MIS18BP1: variants seen among roughly 807,000 people sequenced by gnomAD.
The protein encoded by MIS18BP1 is mis18-binding protein 1.
MIS18BP1 carries 72 observed loss-of-function variants against 116.1 expected under a neutral mutation model. That is an observed-to-expected ratio of 0.62 (90% confidence interval 0.51 to 0.75). The LOEUF (loss-of-function observed/expected upper bound fraction) is 0.75. Ranked by LOEUF, MIS18BP1 falls within the 30% of genes least tolerant of loss-of-function variation. The probability of loss-of-function intolerance (pLI) is 0.00; values close to 1 mark genes in which losing one functional copy is unlikely to be tolerated. For missense variants in MIS18BP1, 1,363 were observed against 1,303.2 expected (o/e 1.05, Z -0.71); for synonymous variants, 386 against 427.0 (o/e 0.90, Z 1.18).
chr14:45,246,210 A>G lies in MIS18BP1; in HGVS notation c.544+533T>C, dbSNP rs146694721. On this transcript the variant is annotated intron_variant, in intron 2 of 16. Transcript: ENST00000310806. ...CGATGGCTTATTCTGCTCACAGTAA[A>G]GGCCAAAACTCTTACATTTACCTAC... 1.8e-3 allele frequency among the ~76,000 whole-genome samples: 270 copies of G among 152,338 alleles called. 1 individual carries two copies. Among genetic ancestry groups the G allele is most frequent in the Admixed American group, 2.7e-3 (42 of 15,306 alleles).
chr14:45,233,155 T>C (rs12433547), intron 6 of MIS18BP1, among the ~76,000 whole-genome samples: 12,126 of 152,178 alleles, frequency 0.08, 639 homozygotes, highest in South Asian at 0.16. Context: ...AGGGAAGTCT[T>C]CAATGAAATA....
intron 8 of MIS18BP1, among the ~76,000 whole-genome samples, chr14:45,229,959 CATCTACATATTT>C (rs1390712972): frequency 1.3e-5 from 2 of 152,164 alleles, no homozygotes; most frequent in Non-Finnish European, 2.9e-5. Context: ...GGGAAGCAGT[CATCTACATATTT>C]AACGTATTCC....
rs1277358433 is a variant in MIS18BP1, at chr14:45,242,865, T to G, written c.554A>C (p.Gln185Pro). ...SDDSSLRASV[Q>P]GVPLESSNND... ...ATTTGATGATTCTAGAGGAACTCCT[T>G]GGACTGAGGCTAAGGTTTTATTTTT... Residue 185 changes from glutamine (Q) to proline (P), a missense_variant, in exon 3 of 17, where the codon CAA becomes CCA. Transcript: ENST00000310806. 1 of 1,599,942 alleles carries G rather than the reference T, an allele frequency of 6.3e-7. No homozygotes were observed. The highest frequency in any genetic ancestry group is 2.2e-5 in the East Asian group (1 of 44,806).
At position 45,232,277 on chromosome 14, in the gene MIS18BP1, T is replaced by C. The variant is rs1174843898; in HGVS notation, c.1436+456A>G. Among the ~76,000 whole-genome samples the C allele has an allele frequency of 4.6e-5, 7 of 151,004 alleles. No homozygotes were observed. The South Asian group carries it at 1.0e-3, about 23-fold the overall frequency. Reference sequence around the variant, plus strand: ...TAAAAATACAAAAAAATTAGCCAGGTGTGGTGGCGGGCGCCTGTAGTCCCA... The same window carrying C: ...TAAAAATACAAAAAAATTAGCCAGGCGTGGTGGCGGGCGCCTGTAGTCCCA... On this transcript the variant is annotated intron_variant, in intron 7 of 16. Coordinates refer to ENST00000310806, the MANE Select transcript of MIS18BP1 (RefSeq NM_018353.5).
intron 11 of MIS18BP1, among the ~76,000 whole-genome samples, chr14:45,221,214 G>A (rs2139174757): frequency 6.6e-6 from 1 of 152,082 alleles, no homozygotes; most frequent in South Asian, 2.1e-4. Flanking sequence ...CAAGGCGGGA[G>A]GATCACGAGG....
chr14:45,241,825 C>T, intron 4 of MIS18BP1: 1 of 512,546 alleles, frequency 2.0e-6, no homozygotes. Context: ...ACATGTGGGT[C>T]TTCTTACATT....
At chr14:45,250,333 T>C (rs1183267252) in intron 1 of MIS18BP1, among the ~76,000 whole-genome samples, 1 of 152,180 alleles carries the variant, frequency 6.6e-6, no homozygotes, top group Non-Finnish European at 1.5e-5. Flanking sequence ...CTCTGCAGAA[T>C]AGATAAACAA....
At chr14:45,245,984 C>G (rs1891712418) in intron 2 of MIS18BP1, among the ~76,000 whole-genome samples, 1 of 152,206 alleles carries the variant, frequency 6.6e-6, no homozygotes, top group Non-Finnish European at 1.5e-5. Flanking sequence ...CAGCCATTTA[C>G]CATCTGCACA....
chr14:45,213,641 G>T (rs1042941719), intron 13 of MIS18BP1, among the ~76,000 whole-genome samples: 1 of 152,082 alleles, frequency 6.6e-6, no homozygotes, highest in African/African-American at 2.4e-5. Flanking sequence ...CTGACCCTTC[G>T]TATCAACAGA....
At chr14:45,250,311 T>C (rs1191889192) in intron 1 of MIS18BP1, among the ~76,000 whole-genome samples, 1 of 152,200 alleles carries the variant, frequency 6.6e-6, no homozygotes, top group Non-Finnish European at 1.5e-5. Context: ...CAATTTCCTC[T>C]GACCACAGAG....
chr14:45,204,681 C>G (rs1170369063), intron 15 of MIS18BP1, among the ~76,000 whole-genome samples: 1 of 151,946 alleles, frequency 6.6e-6, no homozygotes, highest in African/African-American at 2.4e-5. Context: ...AAACACTCCT[C>G]TAAGAAATTA....
chr14:45,222,422 A>C (rs1220345418), intron 11 of MIS18BP1, among the ~76,000 whole-genome samples: 1 of 152,214 alleles, frequency 6.6e-6, no homozygotes, highest in East Asian at 1.9e-4. Flanking sequence ...AAATATACTT[A>C]ACTTCAACAG....
At chr14:45,243,552 T>C (rs1275379154) in intron 2 of MIS18BP1, among the ~76,000 whole-genome samples, 6 of 152,162 alleles carry the variant, frequency 3.9e-5, no homozygotes, top group Admixed American at 3.3e-4. Flanking sequence ...GACTTAAAAT[T>C]TGAGCCTGAG....
At position 45,237,669 on chromosome 14, in the gene MIS18BP1, A is replaced by C. The variant is rs1391800923; in HGVS notation, c.1196T>G (p.Ile399Arg). The C allele has an allele frequency of 6.2e-7, 1 of 1,601,158 alleles. No individual in the cohort carries two copies. The highest frequency in any genetic ancestry group is 8.5e-7 in the Non-Finnish European group (1 of 1,175,830). Residue 399 changes from isoleucine to arginine, a missense_variant, in exon 5 of 17, where the codon ATA becomes AGA. Physicochemically the swap from Ile to Arg is moderately conservative, Grantham distance 97. Transcript: ENST00000310806. ...TTACATCAATTTTCCTTCTACACAT[A>C]TAGCAGTATTATTATTGATGCTTTT... ...MIKSINNNTA[I>R]CVEGKLIDVT...
rs1328100213 is a variant in MIS18BP1 at position 45,242,857 on chromosome 14, G to T, written c.562C>A (p.Pro188Thr). ...SSLRASVQGV[P>T]LESSNNDIFL... ...ATATCATTATTTGATGATTCTAGAG[G>T]AACTCCTTGGACTGAGGCTAAGGTT... Residue 188 changes from proline (P) to threonine (T), a missense_variant, in exon 3 of 17, where the codon CCT becomes ACT. Physicochemically the swap from Pro to Thr is conservative, Grantham distance 38. Transcript: ENST00000310806. 1 of 1,609,466 alleles carries T rather than the reference G, an allele frequency of 6.2e-7. No homozygotes were observed. The highest frequency in any genetic ancestry group is 1.7e-5 in the Admixed American group (1 of 59,660).
At chr14:45,241,067 A>G (rs1891562112) in intron 4 of MIS18BP1, among the ~76,000 whole-genome samples, 1 of 152,240 alleles carries the variant, frequency 6.6e-6, no homozygotes, top group South Asian at 2.1e-4. Flanking sequence ...CTTGAGCCCA[A>G]AAGGCTGGCC....
At chr14:45,252,312 A>G (rs749027173) in intron 1 of MIS18BP1, among the ~76,000 whole-genome samples, 8 of 152,276 alleles carry the variant, frequency 5.3e-5, no homozygotes, top group Non-Finnish European at 1.2e-4. Context: ...TTCAATAAAA[A>G]GATATATATG....
intron 8 of MIS18BP1, among the ~76,000 whole-genome samples, chr14:45,228,681 A>G (rs1466300816): frequency 2.0e-5 from 3 of 152,220 alleles, no homozygotes; most frequent in Admixed American, 6.5e-5. Context: ...TCTAGAAGCT[A>G]TTCTTTAAAG....
At position 45,247,045 on chromosome 14, in the gene MIS18BP1, G is replaced by C. The variant is rs778864333; in HGVS notation, c.242C>G (p.Thr81Arg). Residue 81 changes from threonine (T) to arginine (R), a missense_variant, in exon 2 of 17, where the codon ACA (threonine) becomes AGA (arginine). Physicochemically the swap from Thr to Arg is moderately conservative, Grantham distance 71 (BLOSUM62 -1). Coordinates refer to ENST00000310806, the MANE Select transcript of MIS18BP1 (RefSeq NM_018353.5). The stretch of plus-strand genomic sequence containing the variant: ...AGAACTGTTAGAGGTAGTAGCCTCT[G>C]TTAGCATAGTTGATTGAAATATATT... ...NKNIFQSTML[T>R]EATTSNSSLD... 7 of 1,613,170 alleles carry C rather than the reference G, an allele frequency of 4.3e-6. No individual in the cohort carries two copies. In the South Asian group the frequency reaches 7.7e-5, roughly 18 times the overall value.
Sources: gnomAD v4.1 joint callset for allele counts (sites outside exome capture counted in the v4.1 genomes callset) on GRCh38, gnomAD v4.1.1 for gene constraint, MANE v1.5 for transcripts, NCBI Gene and HGNC (gene_info 2026-07-23, HGNC 2026-07-21) for gene names.